CYRIB: variants seen among roughly 807,000 people sequenced by gnomAD.
CYRIB encodes CYFIP-related Rac1 interactor B.
CYRIB carries 8 observed loss-of-function variants against 44.2 expected under a neutral mutation model. The observed-to-expected ratio is 0.18, with a 90% CI of 0.11 to 0.33. CYRIB has a LOEUF of 0.33. Among genes scored for constraint, CYRIB ranks in the 10% least tolerant of loss-of-function variants. The probability of loss-of-function intolerance (pLI) is 1.00; values close to 1 mark genes in which losing one functional copy is unlikely to be tolerated. For synonymous variants in CYRIB, 131 were observed against 127.2 expected (o/e 1.03, Z -0.20); for missense variants, 185 against 382.8 (o/e 0.48, Z 4.31).
chr8:129,867,627 C>T (rs1247713245), intron 4 of CYRIB, among the ~76,000 whole-genome samples: 2 of 151,418 alleles, frequency 1.3e-5, no homozygotes, highest in Non-Finnish European at 2.9e-5. Context: ...ATATATAATT[C>T]AACATTATTA....
At chr8:129,980,799 T>C (rs1391729507) in intron 1 of CYRIB, among the ~76,000 whole-genome samples, 1 of 150,846 alleles carries the variant, frequency 6.6e-6, no homozygotes, top group East Asian at 2.0e-4. Context: ...CTGGGCAACA[T>C]AGTGAAATCC....
At chr8:129,970,511 C>T (rs931538873) in intron 2 of CYRIB, 1 of 151,738 alleles carries the variant, frequency 6.6e-6, no homozygotes, top group African/African-American at 2.4e-5. Context: ...CCTCCGCCTC[C>T]TGGGTTCAAG....
chr8:129,865,626 A>G (rs2053096828), intron 4 of CYRIB, among the ~76,000 whole-genome samples: 1 of 152,218 alleles, frequency 6.6e-6, no homozygotes, highest in Non-Finnish European at 1.5e-5. Context: ...GAATGAAACA[A>G]ATCTGGGTTA....
chr8:129,975,921 T>A (rs2132408309), intron 1 of CYRIB, among the ~76,000 whole-genome samples: 1 of 152,228 alleles, frequency 6.6e-6, no homozygotes, highest in East Asian at 1.9e-4. Context: ...CCCAGGTGAT[T>A]TTCATGTGCA....
At chr8:129,964,158 C>G (rs188974428) in intron 2 of CYRIB, among the ~76,000 whole-genome samples, 113 of 152,340 alleles carry the variant, frequency 7.4e-4, no homozygotes, top group Non-Finnish European at 1.0e-3. Flanking sequence ...CCCTAAAGGT[C>G]AGTCTTTTTA....
intron 2 of CYRIB, among the ~76,000 whole-genome samples, chr8:129,901,098 C>T (rs2071496972): frequency 1.3e-5 from 2 of 152,146 alleles, no homozygotes; most frequent in South Asian, 4.1e-4. Flanking sequence ...GGACTACAGG[C>T]ACACGCCACC....
At chr8:129,974,331 A>T (rs1224321219) in intron 1 of CYRIB, among the ~76,000 whole-genome samples, 2 of 152,212 alleles carry the variant, frequency 1.3e-5, no homozygotes. Context: ...ATGGAAGCCT[A>T]TCTATCACCC....
chr8:129,912,730 C>A (rs768004237), intron 1 of CYRIB, among the ~76,000 whole-genome samples: 1 of 151,492 alleles, frequency 6.6e-6, no homozygotes, highest in Non-Finnish European at 1.5e-5. Context: ...TCTTGCAAGT[C>A]ATTTTTTTTT....
chr8:129,854,869 CTTG>C (rs1157146875), intron 6 of CYRIB, among the ~76,000 whole-genome samples: 1 of 152,070 alleles, frequency 6.6e-6, no homozygotes. Flanking sequence ...ACTCAGGTCT[CTTG>C]ATATGAGACC....
chr8:129,880,916 T>C (rs1169265709), intron 2 of CYRIB, among the ~76,000 whole-genome samples: 15 of 152,214 alleles, frequency 9.9e-5, no homozygotes, highest in Non-Finnish European at 2.2e-4. Flanking sequence ...ATTTAACCAT[T>C]AAAGCCTAAA....
At chr8:129,931,966 A>G (rs1261056642) in intron 1 of CYRIB, among the ~76,000 whole-genome samples, 1 of 147,532 alleles carries the variant, frequency 6.8e-6, no homozygotes, top group Non-Finnish European at 1.5e-5. Context: ...TAATTTATAT[A>G]TGTTAGGAAA....
chr8:129,948,881 A>G (rs1017164419), intron 2 of CYRIB: 1 of 152,458 alleles, frequency 6.6e-6, no homozygotes, highest in Non-Finnish European at 1.5e-5. Flanking sequence ...CCTGGGCAAC[A>G]TGAGGAGACC....
At chr8:129,980,657 C>CT (rs930639333) in intron 1 of CYRIB, among the ~76,000 whole-genome samples, 1 of 150,690 alleles carries the variant, frequency 6.6e-6, no homozygotes, top group Non-Finnish European at 1.5e-5. Context: ...GAGTGAGACT[C>CT]TGTCTCAAGA....
chr8:129,876,902 T>G (rs1300986512), intron 3 of CYRIB, among the ~76,000 whole-genome samples: 1 of 152,212 alleles, frequency 6.6e-6, no homozygotes, highest in Non-Finnish European at 1.5e-5. Flanking sequence ...CTAGCAAAAA[T>G]AATGTGGCTT....
At chr8:129,921,472 C>T (rs774007810) in intron 1 of CYRIB, among the ~76,000 whole-genome samples, 1 of 152,158 alleles carries the variant, frequency 6.6e-6, no homozygotes, top group Non-Finnish European at 1.5e-5. Flanking sequence ...AAACCGAGAC[C>T]TTTTACAAGG....
At chr8:129,960,154 A>G (rs189916507) in intron 2 of CYRIB, among the ~76,000 whole-genome samples, 1 of 152,358 alleles carries the variant, frequency 6.6e-6, no homozygotes, top group African/African-American at 2.4e-5. Context: ...ACTGAATGAA[A>G]GACTGCACAC....
At chr8:130,011,553 C>T (rs1166104728) in intron 1 of CYRIB, among the ~76,000 whole-genome samples, 2 of 151,806 alleles carry the variant, frequency 1.3e-5, no homozygotes, top group Admixed American at 6.6e-5. Flanking sequence ...CATGGTGGCT[C>T]ACGCCTGTAA....
chr8:129,972,106 A>G (rs1441718323), intron 1 of CYRIB, among the ~76,000 whole-genome samples: 1 of 152,176 alleles, frequency 6.6e-6, no homozygotes, highest in Admixed American at 6.5e-5. Flanking sequence ...TTATTCACAA[A>G]AGGTTTAGGG....
intron 1 of CYRIB, among the ~76,000 whole-genome samples, chr8:129,909,631 C>T (rs1225987795): frequency 1.3e-5 from 2 of 151,922 alleles, no homozygotes; most frequent in East Asian, 1.9e-4. Context: ...CTCTTTTAAA[C>T]GATGCTATAT....
Sources: allele counts gnomAD v4.1 joint callset (sites outside exome capture counted in the v4.1 genomes callset), GRCh38; gene constraint gnomAD v4.1.1; transcripts MANE v1.5; gene names NCBI Gene and HGNC (gene_info 2026-07-23, HGNC 2026-07-21).